The following PIK3C3 variants were observed in gnomAD, a reference collection of about 807,000 sequenced individuals.
PIK3C3 encodes phosphatidylinositol 3-kinase catalytic subunit type 3, also known as PI3-kinase type 3.
A neutral mutation model predicts 126.1 loss-of-function variants in PIK3C3; 95 were observed. The observed-to-expected ratio is 0.75, with a 90% CI of 0.64 to 0.89. PIK3C3 has a LOEUF of 0.89. Ranked by LOEUF, PIK3C3 falls within the 40% of genes least tolerant of loss-of-function variation. PIK3C3 has a pLI of 0.00. For synonymous variants in PIK3C3, 374 were observed against 360.0 expected, an observed-to-expected ratio of 1.04 and a Z score of -0.44; for missense variants, 829 against 1,063.2, an observed-to-expected ratio of 0.78 and a Z score of 3.06.
chr18:42,003,031 A>G (rs1392454351), intron 9 of PIK3C3, among the ~76,000 whole-genome samples: 1 of 152,204 alleles, frequency 6.6e-6, no homozygotes. Flanking sequence ...CCTGAGTTCT[A>G]CATCTAGCTC....
chr18:42,020,596 A>G (rs1983277047), intron 12 of PIK3C3, 42 bp from the exon 13 acceptor site: 1 of 1,222,186 alleles, frequency 8.2e-7, no homozygotes, highest in African/African-American at 1.5e-5. Flanking sequence ...CCCCATTACT[A>G]GTAGATGATA....
At chr18:41,968,533 A>G (rs1268866426) in intron 3 of PIK3C3, among the ~76,000 whole-genome samples, 2 of 152,198 alleles carry the variant, frequency 1.3e-5, no homozygotes, top group Non-Finnish European at 2.9e-5. Context: ...AAGCTTTTGC[A>G]AATACAGTTA....
chr18:42,035,145 T>C (rs1598916787), intron 16 of PIK3C3, among the ~76,000 whole-genome samples: 1 of 152,134 alleles, frequency 6.6e-6, no homozygotes, highest in Admixed American at 6.5e-5. Context: ...AATACTGGTA[T>C]AGGAGATACA....
At chr18:41,988,613 A>G (rs1568124092) in intron 5 of PIK3C3, among the ~76,000 whole-genome samples, 1 of 152,160 alleles carries the variant, frequency 6.6e-6, no homozygotes, top group Admixed American at 6.6e-5. Flanking sequence ...TACTTAATTT[A>G]TATTCTCCAA....
At chr18:42,077,109 T>G in intron 24 of PIK3C3, among the ~76,000 whole-genome samples, 1 of 152,258 alleles carries the variant, frequency 6.6e-6, no homozygotes, top group East Asian at 1.9e-4. Flanking sequence ...GTTTACATGA[T>G]ACTATGCAGT....
intron 20 of PIK3C3, among the ~76,000 whole-genome samples, chr18:42,046,506 G>GT (rs1327066223): frequency 1.3e-5 from 2 of 151,908 alleles, no homozygotes; most frequent in East Asian, 1.9e-4. Flanking sequence ...TTAAGTCAAA[G>GT]TTTTTTTATA....
At chr18:41,960,080 A>G (rs1980002158) in intron 2 of PIK3C3, among the ~76,000 whole-genome samples, 1 of 152,136 alleles carries the variant, frequency 6.6e-6, no homozygotes, top group South Asian at 2.1e-4. Context: ...CCAGTATGAG[A>G]TTCTAAATTA....
At chr18:42,027,908 G>A (rs529623725) in intron 14 of PIK3C3, among the ~76,000 whole-genome samples, 2 of 152,086 alleles carry the variant, frequency 1.3e-5, no homozygotes, top group Admixed American at 6.5e-5. Context: ...CACCTGCCTC[G>A]GCCTCCCAAA....
intron 16 of PIK3C3, among the ~76,000 whole-genome samples, chr18:42,037,358 C>T (rs1208486859): frequency 1.6e-4 from 24 of 152,214 alleles, no homozygotes; most frequent in Admixed American, 1.6e-3. Flanking sequence ...CTTAGCAACT[C>T]TGCAGAAGAG....
chr18:41,961,832 G>A (rs1211388749), intron 2 of PIK3C3, among the ~76,000 whole-genome samples: 2 of 152,064 alleles, frequency 1.3e-5, no homozygotes, highest in Admixed American at 1.3e-4. Flanking sequence ...AAGAGCTGTG[G>A]TGTCATTAAC....
In PIK3C3 at chr18:42,029,397, C is replaced by T. The variant is rs781405754; in HGVS notation, c.1663C>T (p.Leu555=). 7 of 1,613,480 alleles carry T rather than the reference C, an allele frequency of 4.3e-6. No homozygotes were observed. In the South Asian group the frequency reaches 6.6e-5, roughly 15 times the overall value. The change falls in exon 15 of 25, where the codon CTA becomes TTA. Residue 555 remains leucine, a synonymous_variant. Coordinates refer to ENST00000262039, the MANE Select transcript of PIK3C3 (RefSeq NM_002647.4). The part of the protein sequence containing the change: ...QQTFVDRLVH[L]MKAVQRESGN... ...GACATTTGTAGATCGGTTGGTGCATCTAATGAAGGCAGTACAACGCGAAAG... is the reference window on the plus strand; with the variant it reads ...GACATTTGTAGATCGGTTGGTGCATTTAATGAAGGCAGTACAACGCGAAAG...
chr18:42,043,138 C>G (rs1473829024), intron 19 of PIK3C3, among the ~76,000 whole-genome samples: 1 of 149,310 alleles, frequency 6.7e-6, no homozygotes, highest in Non-Finnish European at 1.5e-5. Context: ...CTTGCTCTGT[C>G]GCCAGGCTGG....
intron 9 of PIK3C3, among the ~76,000 whole-genome samples, chr18:41,999,679 G>A (rs1011286322): frequency 8.6e-5 from 13 of 152,004 alleles, no homozygotes; most frequent in African/African-American, 3.1e-4. Flanking sequence ...ATTAAAATTA[G>A]GAAGTATAGC....
At chr18:42,004,299 A>T (rs1374760329) in intron 9 of PIK3C3, 57 bp from the exon 10 acceptor site, 1 of 1,380,630 alleles carries the variant, frequency 7.2e-7, no homozygotes, top group South Asian at 1.3e-5. Context: ...TGCCTAGTCA[A>T]CTTCTCTATC....
intron 14 of PIK3C3, 43 bp downstream of exon 14, chr18:42,027,591 C>A: frequency 9.3e-7 from 1 of 1,074,002 alleles, no homozygotes; most frequent in Non-Finnish European, 1.4e-6. Flanking sequence ...AGCACATGGG[C>A]CAAATTCAGC....
intron 9 of PIK3C3, among the ~76,000 whole-genome samples, chr18:41,998,442 T>C (rs1982131318): frequency 1.3e-5 from 2 of 152,144 alleles, no homozygotes; most frequent in Admixed American, 1.3e-4. Context: ...TGTTAGAATG[T>C]ATAGGTTTAA....
intron 2 of PIK3C3, 102 bp downstream of exon 2, chr18:41,957,860 ACCTATAGG>A (rs1185410373): frequency 1.2e-6 from 1 of 804,062 alleles, no homozygotes; most frequent in Non-Finnish European, 2.0e-6. Context: ...ATTTCTTAAT[ACCTATAGG>A]CATTGATCAA....
chr18:41,957,433 A>C (rs1349063161), intron 1 of PIK3C3, 137 bp from the exon 2 acceptor site: 5 of 721,438 alleles, frequency 6.9e-6, no homozygotes, highest in Non-Finnish European at 8.6e-6. Flanking sequence ...AGCATACCTT[A>C]ACACAAAGGT....
intron 15 of PIK3C3, among the ~76,000 whole-genome samples, chr18:42,033,109 A>G (rs1983903070): frequency 6.6e-6 from 1 of 152,120 alleles, no homozygotes; most frequent in Non-Finnish European, 1.5e-5. Context: ...CCCTGCTCCT[A>G]AAGATTGCAG....
Sources: gnomAD v4.1 joint callset for allele counts (sites outside exome capture counted in the v4.1 genomes callset) on GRCh38, gnomAD v4.1.1 for gene constraint, MANE v1.5 for transcripts, NCBI Gene and HGNC (gene_info 2026-07-23, HGNC 2026-07-21) for gene names.